FAM20B: variants seen among roughly 807,000 people sequenced by gnomAD.
FAM20B encodes the protein glycosaminoglycan xylosylkinase.
FAM20B carries 23 observed loss-of-function variants against 43.8 expected under a neutral mutation model. That is an observed-to-expected ratio of 0.53 (90% confidence interval 0.38 to 0.74). The LOEUF (loss-of-function observed/expected upper bound fraction) is 0.74, where lower values mean the gene tolerates loss of function less well. Among genes scored for constraint, FAM20B ranks in the 30% least tolerant of loss-of-function variants. FAM20B has a pLI of 0.00. For missense variants in FAM20B, 440 were observed against 510.5 expected (o/e 0.86, Z 1.33); for synonymous variants, 178 against 192.4 (o/e 0.93, Z 0.62).
rs575782736 is a variant in FAM20B at position 179,037,232 on chromosome 1, A to G, written c.-133-6483A>G. ...TCTTTCTGTGGTCCAAAAGAAGGTG[A>G]TGAGCACTGAAGTTGGTGGCTGTGG... On this transcript the variant is annotated intron_variant, in intron 1 of 7. Coordinates refer to ENST00000263733, the MANE Select transcript of FAM20B (RefSeq NM_014864.4). 2.6e-5 allele frequency among the ~76,000 whole-genome samples: 4 copies of G among 152,306 alleles called. No individual in the cohort carries two copies. The South Asian group carries it at 8.3e-4, about 32-fold the overall frequency.
intron 3 of FAM20B, among the ~76,000 whole-genome samples, chr1:179,051,784 C>G (rs926149317): frequency 1.3e-5 from 2 of 152,060 alleles, no homozygotes; most frequent in Non-Finnish European, 2.9e-5. Context: ...GTAGCTGGGA[C>G]TACAGGTACG....
Position 179,066,820 on chromosome 1 carries a change from A to T in FAM20B, c.959A>T (p.Asp320Val), listed in dbSNP as rs758401785. ...NAKSFGNPSL[D>V]ERSILAPLYQ... is the part of the protein sequence containing the mutation. ...TTCAGCTTTGGGAACCCCTCGCTGG[A>T]TGAAAGAAGCATTCTTGCCCCTCTC... is the stretch of plus-strand genomic sequence containing the variant. The change falls in exon 7 of 8, where the codon GAT (aspartate) becomes GTT (valine). Residue 320 changes from aspartate to valine, a missense_variant. Asp to Val is a radical substitution (Grantham distance 152). Transcript: ENST00000263733. The T allele has an allele frequency of 5.4e-5, 87 of 1,613,140 alleles. No homozygotes were observed. The highest frequency in any genetic ancestry group is 7.3e-5 in the Non-Finnish European group (86 of 1,179,050).
chr1:179,056,302 C>T (rs1289978093), intron 4 of FAM20B, among the ~76,000 whole-genome samples: 2 of 152,204 alleles, frequency 1.3e-5, no homozygotes, highest in Non-Finnish European at 2.9e-5. Context: ...TCATTCTCCA[C>T]CCCTCTCTCC....
rs1651957580 is a variant in FAM20B at position 179,072,314 on chromosome 1, C to T, written c.*170C>T. The T allele has an allele frequency of 1.7e-6, 1 of 600,208 alleles. No individual in the cohort carries two copies. The highest frequency in any genetic ancestry group is 1.9e-5 in the African/African-American group (1 of 53,870). The allele number at this position is 600,208 out of a possible 1,614,324, so 37.2% of individuals were successfully genotyped here. ...TCTGTAGTAGAAACTAAAGCAAAGA[C>T]CACAAGTTTCAGAGCATGGAGACAT... On this transcript the variant is annotated 3_prime_UTR_variant, in exon 8 of 8. Coordinates refer to ENST00000263733, the MANE Select transcript of FAM20B (RefSeq NM_014864.4).
chr1:179,034,093 C>A (rs1650119461), intron 1 of FAM20B, among the ~76,000 whole-genome samples: 1 of 152,204 alleles, frequency 6.6e-6, no homozygotes, highest in East Asian at 1.9e-4. Flanking sequence ...CAGACCACAA[C>A]TGGGACTGGA....
At chr1:179,018,185 C>T in the FAM20B span, among the ~76,000 whole-genome samples, 1 of 152,218 alleles carries the variant, frequency 6.6e-6, no homozygotes, top group Non-Finnish European at 1.5e-5. Flanking sequence ...AGAACACCTC[C>T]ATCTCTGTTA....
chr1:179,076,416 C>G lies in FAM20B; in HGVS notation c.*4272C>G, dbSNP rs775970816. ...GGGAGCCACTACCCTCTCTTTTGATCTGCCAAGGATTTCCTCTCAGAGCTG... is the reference window on the plus strand; with the variant it reads ...GGGAGCCACTACCCTCTCTTTTGATGTGCCAAGGATTTCCTCTCAGAGCTG... On this transcript the variant is annotated 3_prime_UTR_variant, in exon 8 of 8. Coordinates refer to ENST00000263733, the MANE Select transcript of FAM20B (RefSeq NM_014864.4). The G allele has an allele frequency of 1.3e-5, 2 of 152,560 alleles. No individual in the cohort carries two copies. Among genetic ancestry groups the G allele is most frequent in the African/African-American group, 2.4e-5 (1 of 41,438 alleles). The allele number at this position is 152,560 out of a possible 1,614,324, so 9.5% of individuals were successfully genotyped here.
intron 4 of FAM20B, among the ~76,000 whole-genome samples, chr1:179,062,323 C>T (rs908164092): frequency 1.3e-5 from 2 of 152,132 alleles, no homozygotes; most frequent in Non-Finnish European, 2.9e-5. Flanking sequence ...ACACAAGATA[C>T]ATCTGTATCT....
chr1:179,030,894 T>C (rs1482499497), intron 1 of FAM20B, among the ~76,000 whole-genome samples: 1 of 142,306 alleles, frequency 7.0e-6, no homozygotes, highest in East Asian at 2.0e-4. Flanking sequence ...AAAAAAAAAA[T>C]GTGTGTGTGT....
At chr1:179,032,536 C>T (rs893133450) in intron 1 of FAM20B, among the ~76,000 whole-genome samples, 1 of 151,966 alleles carries the variant, frequency 6.6e-6, no homozygotes, top group Non-Finnish European at 1.5e-5. Context: ...TTTCCCAAGA[C>T]CCACATTAGG....
At chr1:179,027,025 A>C (rs1287761516) in intron 1 of FAM20B, among the ~76,000 whole-genome samples, 1 of 152,178 alleles carries the variant, frequency 6.6e-6, no homozygotes, top group Non-Finnish European at 1.5e-5. Context: ...AATTTGGGAA[A>C]ATGAGAGTTG....
At chr1:179,041,341 G>T (rs1416033710) in intron 1 of FAM20B, among the ~76,000 whole-genome samples, 1 of 152,138 alleles carries the variant, frequency 6.6e-6, no homozygotes, top group African/African-American at 2.4e-5. Flanking sequence ...CCGAGATCAC[G>T]CCACTGCACT....
chr1:179,060,505 C>T (rs1047698529), intron 4 of FAM20B, among the ~76,000 whole-genome samples: 6 of 152,174 alleles, frequency 3.9e-5, no homozygotes, highest in Non-Finnish European at 7.3e-5. Flanking sequence ...ATTATATTCT[C>T]ATAGGAGCAC....
At chr1:179,036,838 G>A (rs528098054) in intron 1 of FAM20B, among the ~76,000 whole-genome samples, 1 of 152,318 alleles carries the variant, frequency 6.6e-6, no homozygotes, top group South Asian at 2.1e-4. Context: ...AGAGTGTAAG[G>A]AGGGACGAAA....
rs1302859161 is a variant in FAM20B at position 179,072,097 on chromosome 1, A to G, written c.1183A>G (p.Met395Val). The G allele has an allele frequency of 6.2e-7, 1 of 1,614,132 alleles. No homozygotes were observed. Among genetic ancestry groups the G allele is most frequent in the Admixed American group, 1.7e-5 (1 of 60,012 alleles). Residue 395 changes from methionine (M) to valine (V), a missense_variant, in exon 8 of 8, where the codon ATG becomes GTG. Coordinates refer to ENST00000263733, the MANE Select transcript of FAM20B (RefSeq NM_014864.4). ...TVKQCTDQFG[M>V]DTVLVEDRMP... is the part of the protein sequence containing the mutation. ...GAAGCAGTGCACCGACCAGTTTGGG[A>G]TGGACACAGTACTGGTGGAAGACAG...
At chr1:179,026,228 G>A (rs994956677) in intron 1 of FAM20B, 130 bp downstream of exon 1, 1 of 150,882 alleles carries the variant, frequency 6.6e-6, no homozygotes, top group Non-Finnish European at 1.5e-5. Context: ...CTGGGGGCGG[G>A]GCGCCTCCCT....
chr1:179,045,433 T>C (rs1269329613), intron 2 of FAM20B, among the ~76,000 whole-genome samples: 1 of 152,200 alleles, frequency 6.6e-6, no homozygotes, highest in African/African-American at 2.4e-5. Flanking sequence ...AGGGAAAAGA[T>C]GGACAAAATT....
chr1:179,045,911 A>C (rs959810189), intron 2 of FAM20B, among the ~76,000 whole-genome samples: 10 of 151,538 alleles, frequency 6.6e-5, no homozygotes, highest in Non-Finnish European at 1.0e-4. Context: ...AAACCAAAAA[A>C]CAAAAAAAAA....
intron 2 of FAM20B, among the ~76,000 whole-genome samples, chr1:179,045,383 CAT>C (rs1043779444): frequency 6.6e-6 from 1 of 152,092 alleles, no homozygotes; most frequent in African/African-American, 2.4e-5. Flanking sequence ...AAAATTATAA[CAT>C]GACTTTAGAT....
Sources: gnomAD v4.1 joint callset for allele counts (sites outside exome capture counted in the v4.1 genomes callset) on GRCh38, gnomAD v4.1.1 for gene constraint, MANE v1.5 for transcripts, NCBI Gene and HGNC (gene_info 2026-07-23, HGNC 2026-07-21) for gene names.